The following ANKRD62 variants were observed in gnomAD, a reference collection of about 807,000 sequenced individuals.
The protein encoded by ANKRD62 is ankyrin repeat domain-containing protein 62.
A neutral mutation model predicts 98.8 loss-of-function variants in ANKRD62; 61 were observed. The observed-to-expected ratio is 0.62, with a 90% CI of 0.50 to 0.76. The LOEUF (loss-of-function observed/expected upper bound fraction) is 0.76. Ranked by LOEUF, ANKRD62 falls within the 30% of genes least tolerant of loss-of-function variation. The pLI is 0.00. For synonymous variants in ANKRD62, 341 were observed against 367.9 expected, an observed-to-expected ratio of 0.93 and a Z score of 0.84; for missense variants, 933 against 1,082.9, an observed-to-expected ratio of 0.86 and a Z score of 1.94.
Position 12,103,214 on chromosome 18 carries a change from A to G in ANKRD62, c.877A>G (p.Ser293Gly), listed in dbSNP as rs1411237614. 1.5e-6 allele frequency: 2 copies of G among 1,362,356 alleles called. No homozygotes were observed. Among genetic ancestry groups the G allele is most frequent in the South Asian group, 4.3e-5 (2 of 46,996 alleles). 84.4% of individuals were successfully genotyped at this position (1,362,356 alleles called of 1,614,324 possible). ...GEQERLEGCE[S>G]SQPQVEEKMK... Reference sequence around the variant, plus strand: ...GCAAGAAAGGCTTGAAGGATGTGAAAGTAGCCAGCCACAGGTATGTAAAAA... The same window carrying G: ...GCAAGAAAGGCTTGAAGGATGTGAAGGTAGCCAGCCACAGGTATGTAAAAA... The change falls in exon 7 of 14, where the codon AGT becomes GGT. Residue 293 changes from serine to glycine, a missense_variant. Physicochemically the swap from Ser to Gly is moderately conservative, Grantham distance 56. Coordinates refer to ENST00000587848, the MANE Select transcript of ANKRD62 (RefSeq NM_001277333.2).
intron 6 of ANKRD62, 27 bp from the exon 7 acceptor site, chr18:12,103,131 T>G: frequency 7.4e-7 from 1 of 1,348,324 alleles, no homozygotes; most frequent in Non-Finnish European, 9.6e-7. Context: ...TAGTTCATTT[T>G]AACTAAATAT....
At chr18:12,169,812 T>C in the ANKRD62 span, among the ~76,000 whole-genome samples, 2 of 152,208 alleles carry the variant, frequency 1.3e-5, no homozygotes, top group African/African-American at 2.4e-5. Context: ...TCAGAGCCTG[T>C]TATTGGTCTA....
Position 12,129,471 on chromosome 18 carries a change from G to A in ANKRD62, c.*1532G>A, listed in dbSNP as rs1327996366. On this transcript the variant is annotated 3_prime_UTR_variant, in exon 14 of 14. Transcript: ENST00000587848. Reference sequence around the variant, plus strand: ...GTTAAAAAACAGGTAATAGGGGCCAGGCACGGTGGCTCACGCCTGTAATCC... The same window carrying A: ...GTTAAAAAACAGGTAATAGGGGCCAAGCACGGTGGCTCACGCCTGTAATCC... 2 of 152,348 alleles carry A rather than the reference G, an allele frequency of 1.3e-5. No individual in the cohort carries two copies. The highest frequency in any genetic ancestry group is 2.9e-5 in the Non-Finnish European group (2 of 68,184). The allele number at this position is 152,348 out of a possible 1,614,324, so 9.4% of individuals were successfully genotyped here. A position where few individuals can be genotyped will look rare whatever the true frequency, so the allele number is the denominator to read the frequency against.
the ANKRD62 span, among the ~76,000 whole-genome samples, chr18:12,156,423 G>A: frequency 1.3e-5 from 2 of 151,956 alleles, no homozygotes; most frequent in Middle Eastern, 3.2e-3. Flanking sequence ...ATTCTTCATG[G>A]TTTTGTTTCT....
chr18:12,130,451 C>T (rs1182884716), downstream of ANKRD62, among the ~76,000 whole-genome samples: 1 of 152,148 alleles, frequency 6.6e-6, no homozygotes, highest in Non-Finnish European at 1.5e-5. Flanking sequence ...ATAAGTCAAT[C>T]TCTTATTTTC....
At position 12,113,568 on chromosome 18, in the gene ANKRD62, G is replaced by A. The variant is rs149422323; in HGVS notation, c.1065-1520G>A. Among the ~76,000 whole-genome samples, 339 of 152,340 alleles carry A rather than the reference G, an allele frequency of 2.2e-3. 1 individual carries two copies. Among genetic ancestry groups the A allele is most frequent in the African/African-American group, 7.6e-3 (315 of 41,584 alleles). On this transcript the variant is annotated intron_variant, in intron 8 of 13. Coordinates refer to ENST00000587848, the MANE Select transcript of ANKRD62 (RefSeq NM_001277333.2). ...CTGCACCTGGGAGGCGGAGGTTGCA[G>A]TGAGCCAAGATCACGCCACTGCACT... is the stretch of plus-strand genomic sequence containing the variant.
chr18:12,138,135 GT>G, the ANKRD62 span, among the ~76,000 whole-genome samples: 1 of 152,078 alleles, frequency 6.6e-6, no homozygotes, highest in East Asian at 1.9e-4. Flanking sequence ...TAATTGTGAT[GT>G]TAGGGTGTCA....
the ANKRD62 span, among the ~76,000 whole-genome samples, chr18:12,161,605 A>G: frequency 6.6e-6 from 1 of 152,144 alleles, no homozygotes. Flanking sequence ...CTGTTGTGCT[A>G]CCAAACACTA....
At chr18:12,171,621 G>A in the ANKRD62 span, among the ~76,000 whole-genome samples, 7 of 151,554 alleles carry the variant, frequency 4.6e-5, no homozygotes, top group East Asian at 5.8e-4. Flanking sequence ...TGTGTCTTGG[G>A]GTTGCTCTTC....
intron 8 of ANKRD62, among the ~76,000 whole-genome samples, chr18:12,108,088 T>C (rs1372064651): frequency 6.6e-6 from 1 of 152,188 alleles, no homozygotes; most frequent in Non-Finnish European, 1.5e-5. Flanking sequence ...GTCACACCCA[T>C]AAAATAATGT....
chr18:12,152,486 A>G, the ANKRD62 span, among the ~76,000 whole-genome samples: 1 of 152,232 alleles, frequency 6.6e-6, no homozygotes, highest in Admixed American at 6.5e-5. Flanking sequence ...GACAAAAACC[A>G]CAATTATCTC....
the ANKRD62 span, among the ~76,000 whole-genome samples, chr18:12,135,098 G>A: frequency 6.6e-6 from 1 of 150,598 alleles, no homozygotes; most frequent in Non-Finnish European, 1.5e-5. Flanking sequence ...ACGTGCAGGT[G>A]TGTTACATAT....
chr18:12,125,542 A>G lies in ANKRD62; in HGVS notation c.1721A>G (p.Glu574Gly). The change falls in exon 13 of 14, where the codon GAA becomes GGA. Residue 574 changes from glutamate (E) to glycine (G), a missense_variant. Glu to Gly is a moderately conservative substitution (Grantham distance 98). Coordinates refer to ENST00000587848, the MANE Select transcript of ANKRD62 (RefSeq NM_001277333.2). ...MRDEIARLRL[E>G]IDTIKHQNQE... The stretch of plus-strand genomic sequence containing the variant: ...GATGAAATTGCCAGACTCAGGCTGG[A>G]AATAGACACAATAAAACATCAGAAC... The G allele has an allele frequency of 6.6e-7, 1 of 1,522,482 alleles. No homozygotes were observed. Among genetic ancestry groups the G allele is most frequent in the Non-Finnish European group, 8.8e-7 (1 of 1,142,742 alleles). The allele number at this position is 1,522,482 out of a possible 1,614,324, so 94.3% of individuals were successfully genotyped here.
intron 6 of ANKRD62, among the ~76,000 whole-genome samples, chr18:12,100,150 C>T (rs184235780): frequency 3.9e-5 from 6 of 152,030 alleles, no homozygotes; most frequent in African/African-American, 1.2e-4. Context: ...ACTCTGGACT[C>T]CCCCCTAAAA....
chr18:12,102,776 T>C, intron 6 of ANKRD62: 1 of 995,970 alleles, frequency 1.0e-6, no homozygotes, highest in Non-Finnish European at 1.2e-6. Flanking sequence ...AGGTTTAGTG[T>C]GTTATTATAA....
At chr18:12,137,999 C>T in the ANKRD62 span, among the ~76,000 whole-genome samples, 1 of 152,050 alleles carries the variant, frequency 6.6e-6, no homozygotes, top group Admixed American at 6.6e-5. Context: ...AAAACCAGCT[C>T]CTGGATTCAT....
chr18:12,125,941 C>G lies in ANKRD62; in HGVS notation c.2120C>G (p.Ser707Cys). 1.3e-6 allele frequency: 2 copies of G among 1,538,370 alleles called. No individual in the cohort carries two copies. The highest frequency in any genetic ancestry group is 2.4e-5 in the East Asian group (1 of 40,918). Residue 707 changes from serine to cysteine, a missense_variant, in exon 13 of 14, where the codon TCT (serine) becomes TGT (cysteine). By Grantham distance (112) the Ser-to-Cys change is moderately radical (BLOSUM62 -1). Coordinates refer to ENST00000587848, the MANE Select transcript of ANKRD62 (RefSeq NM_001277333.2). Reference protein sequence around the residue: ...SHIQILSQQLSKAESTSSGLE... With the variant: ...SHIQILSQQLCKAESTSSGLE... ...ATTCAGATTCTTTCTCAGCAACTTTCTAAAGCTGAGAGTACATCCAGTGGC... is the reference window on the plus strand; with the variant it reads ...ATTCAGATTCTTTCTCAGCAACTTTGTAAAGCTGAGAGTACATCCAGTGGC...
chr18:12,107,215 T>C (rs1909432851), intron 7 of ANKRD62, 80 bp from the exon 8 acceptor site: 1 of 921,288 alleles, frequency 1.1e-6, no homozygotes, highest in African/African-American at 1.7e-5. Flanking sequence ...AGTCAAGTGA[T>C]TAAATGAATG....
At chr18:12,171,195 T>G in the ANKRD62 span, among the ~76,000 whole-genome samples, 2 of 152,218 alleles carry the variant, frequency 1.3e-5, no homozygotes, top group Non-Finnish European at 2.9e-5. Context: ...GTTAGCTGGT[T>G]ATTTTGCCCG....
Sources: gnomAD v4.1 joint callset for allele counts (sites outside exome capture counted in the v4.1 genomes callset) on GRCh38, gnomAD v4.1.1 for gene constraint, MANE v1.5 for transcripts, NCBI Gene and HGNC (gene_info 2026-07-23, HGNC 2026-07-21) for gene names.